LSAMP: variants seen among roughly 807,000 people sequenced by gnomAD.
LSAMP encodes the protein limbic system-associated membrane protein.
In LSAMP, 7 loss-of-function variants were observed where a neutral mutation model predicts 38.6. The observed-to-expected ratio is 0.18, with a 90% CI of 0.10 to 0.34. The LOEUF (loss-of-function observed/expected upper bound fraction) is 0.34, where lower values mean the gene tolerates loss of function less well. Among genes scored for constraint, LSAMP ranks in the 10% least tolerant of loss-of-function variants. The pLI is 1.00. For missense variants in LSAMP, 313 were observed against 420.0 expected, an observed-to-expected ratio of 0.75 and a Z score of 2.23; for synonymous variants, 154 against 166.8, an observed-to-expected ratio of 0.92 and a Z score of 0.59.
rs960500637 is a variant in LSAMP at position 115,806,496 on chromosome 3, C to T, written c.*3821G>A. 3 of 152,176 alleles carry T rather than the reference C, an allele frequency of 2.0e-5. No individual in the cohort carries two copies. The highest frequency in any genetic ancestry group is 2.9e-5 in the Non-Finnish European group (2 of 68,042). 9.4% of individuals were successfully genotyped at this position (152,176 alleles called of 1,614,324 possible). On this transcript the variant is annotated 3_prime_UTR_variant, in exon 7 of 7. Transcript: ENST00000490035. ...AGCTCACAACTTGGTAAAGTAATAACTCAAACAATTTCATGCTGAGGAGTT... is the reference window on the plus strand; with the variant it reads ...AGCTCACAACTTGGTAAAGTAATAATTCAAACAATTTCATGCTGAGGAGTT...
chr3:116,131,666 TC>T (rs1462555594), intron 1 of LSAMP, among the ~76,000 whole-genome samples: 1 of 152,124 alleles, frequency 6.6e-6, no homozygotes, highest in Non-Finnish European at 1.5e-5. Flanking sequence ...TTTTTTCTTT[TC>T]ACTTACACAA....
intron 1 of LSAMP, among the ~76,000 whole-genome samples, chr3:116,316,695 C>T (rs941303676): frequency 2.8e-5 from 4 of 145,448 alleles, no homozygotes; most frequent in East Asian, 2.2e-4. Context: ...CGTTTGAACC[C>T]GGGAGGCAGA....
intron 1 of LSAMP, among the ~76,000 whole-genome samples, chr3:116,208,396 C>G (rs934029191): frequency 3.1e-4 from 47 of 152,264 alleles, no homozygotes; most frequent in African/African-American, 1.1e-3. Flanking sequence ...CTTCTTCTCT[C>G]AGCTCATCAA....
chr3:116,101,322 C>A (rs1437464497), intron 1 of LSAMP, among the ~76,000 whole-genome samples: 2 of 152,286 alleles, frequency 1.3e-5, no homozygotes, highest in East Asian at 3.9e-4. Context: ...CTATCATTTT[C>A]TCTACTCCTC....
intron 1 of LSAMP, among the ~76,000 whole-genome samples, chr3:116,166,394 T>C (rs538727398): frequency 6.6e-6 from 1 of 152,298 alleles, no homozygotes; most frequent in African/African-American, 2.4e-5. Flanking sequence ...CTTGTCTGTA[T>C]CCACAAAATT....
intron 1 of LSAMP, among the ~76,000 whole-genome samples, chr3:116,266,390 A>AACTT (rs1489207076): frequency 1.3e-5 from 2 of 152,204 alleles, no homozygotes; most frequent in Non-Finnish European, 2.9e-5. Context: ...GCAAGCCAAG[A>AACTT]ACTTTGAGAG....
intron 3 of LSAMP, among the ~76,000 whole-genome samples, chr3:115,892,491 G>A (rs1936624696): frequency 6.6e-6 from 1 of 151,962 alleles, no homozygotes; most frequent in African/African-American, 2.4e-5. Context: ...ACAAAAAGAA[G>A]TATTATAGGT....
chr3:116,347,438 G>A (rs186916176), intron 1 of LSAMP, among the ~76,000 whole-genome samples: 1 of 152,246 alleles, frequency 6.6e-6, no homozygotes, highest in East Asian at 1.9e-4. Flanking sequence ...CTTAATGTGT[G>A]TATAGAGAAT....
At chr3:115,911,192 T>A (rs550957214) in intron 3 of LSAMP, among the ~76,000 whole-genome samples, 1 of 152,208 alleles carries the variant, frequency 6.6e-6, no homozygotes, top group Admixed American at 6.5e-5. Flanking sequence ...AAAAGCTCAA[T>A]AAATGACAGC....
intron 1 of LSAMP, among the ~76,000 whole-genome samples, chr3:116,105,947 G>C (rs1406272576): frequency 6.6e-6 from 1 of 152,158 alleles, no homozygotes; most frequent in African/African-American, 2.4e-5. Flanking sequence ...CCTAGAGTGG[G>C]AGAGATTAAG....
At chr3:116,158,877 G>A (rs1709818563) in intron 1 of LSAMP, among the ~76,000 whole-genome samples, 1 of 151,962 alleles carries the variant, frequency 6.6e-6, no homozygotes. Flanking sequence ...CCAAAAAGGA[G>A]CCCAAACAGC....
At chr3:115,951,005 A>G (rs1322696574) in intron 3 of LSAMP, among the ~76,000 whole-genome samples, 1 of 152,150 alleles carries the variant, frequency 6.6e-6, no homozygotes, top group African/African-American at 2.4e-5. Context: ...TGACAAAGCA[A>G]ACAAAAATAT....
Position 116,291,424 on chromosome 3 carries a change from C to T in LSAMP, c.155+153453G>A, listed in dbSNP as rs145041605. Among the ~76,000 whole-genome samples, 21 of 152,258 alleles carry T rather than the reference C, an allele frequency of 1.4e-4. 1 individual carries two copies. The highest frequency in any genetic ancestry group is 9.7e-4 in the East Asian group (5 of 5,174). On this transcript the variant is annotated intron_variant, in intron 1 of 6. Transcript: ENST00000490035. ...ACAAACCATTTAACCTTGGGCAAGACGCTTAACCTCCGTGGGTTTCGGTAT... is the reference window on the plus strand; with the variant it reads ...ACAAACCATTTAACCTTGGGCAAGATGCTTAACCTCCGTGGGTTTCGGTAT...
intron 1 of LSAMP, among the ~76,000 whole-genome samples, chr3:116,305,220 T>C (rs1420684817): frequency 6.6e-6 from 1 of 152,116 alleles, no homozygotes; most frequent in Non-Finnish European, 1.5e-5. Flanking sequence ...ATTGTATTTA[T>C]TGGAACAGCT....
chr3:116,167,606 TTCCA>T (rs1474214758), intron 1 of LSAMP, among the ~76,000 whole-genome samples: 1 of 152,236 alleles, frequency 6.6e-6, no homozygotes, highest in Non-Finnish European at 1.5e-5. Flanking sequence ...TTATCTGTCC[TTCCA>T]TCCATCTATT....
chr3:116,164,761 T>TATCCATATATATATATATATATATA (rs754064532), intron 1 of LSAMP, among the ~76,000 whole-genome samples: 11 of 41,130 alleles, frequency 2.7e-4, no homozygotes, highest in African/African-American at 8.6e-4. Context: ...TATATATATA[T>TATCCATATATATATATATATATATA]TTTTTTTTTT....
At chr3:115,975,031 A>T (rs1416809180) in intron 3 of LSAMP, among the ~76,000 whole-genome samples, 2 of 152,200 alleles carry the variant, frequency 1.3e-5, no homozygotes, top group African/African-American at 4.8e-5. Flanking sequence ...TTGGAGGTTT[A>T]CAATGTGGAC....
At chr3:115,987,119 G>C (rs1347280936) in intron 3 of LSAMP, among the ~76,000 whole-genome samples, 1 of 152,282 alleles carries the variant, frequency 6.6e-6, no homozygotes, top group Non-Finnish European at 1.5e-5. Context: ...CTGGAGGTCA[G>C]AGCGCTGACT....
At chr3:116,124,344 G>T (rs1708957747) in intron 1 of LSAMP, among the ~76,000 whole-genome samples, 1 of 152,158 alleles carries the variant, frequency 6.6e-6, no homozygotes, top group African/African-American at 2.4e-5. Context: ...TCTGTGGGCT[G>T]CCTCTGAGTT....
Sources: allele counts gnomAD v4.1 joint callset (sites outside exome capture counted in the v4.1 genomes callset), GRCh38; gene constraint gnomAD v4.1.1; transcripts MANE v1.5; gene names NCBI Gene and HGNC (gene_info 2026-07-23, HGNC 2026-07-21).